The following TFDP2 variants were observed in gnomAD, a reference collection of about 807,000 sequenced individuals.
The protein encoded by TFDP2 is transcription factor Dp-2 (E2F dimerization partner 2).
In TFDP2, 17 loss-of-function variants were observed where a neutral mutation model predicts 59.3. The ratio of observed to expected loss-of-function variants is 0.29; its 90% confidence interval spans 0.20 to 0.43. The LOEUF is 0.43. Among genes scored for constraint, TFDP2 ranks in the 20% least tolerant of loss-of-function variants. The probability of loss-of-function intolerance (pLI) is 1.00; values close to 1 mark genes in which losing one functional copy is unlikely to be tolerated. For synonymous variants in TFDP2, 180 were observed against 194.7 expected (o/e 0.92, Z 0.63); for missense variants, 391 against 528.8 (o/e 0.74, Z 2.56).
At chr3:142,009,581 A>G (rs112785468) in intron 3 of TFDP2, among the ~76,000 whole-genome samples, 10,569 of 151,960 alleles carry the variant, frequency 0.07, 471 homozygotes, top group Non-Finnish European at 0.11. Context: ...GCATGGTGGT[A>G]CACACCTGTA....
At chr3:141,987,275 G>GTC (rs1942201270) in intron 6 of TFDP2, among the ~76,000 whole-genome samples, 1 of 151,638 alleles carries the variant, frequency 6.6e-6, no homozygotes, top group Non-Finnish European at 1.5e-5. Flanking sequence ...TTGTGTGTGT[G>GTC]TGTGTGTGTG....
chr3:142,114,769 A>G (rs1394126176), intron 1 of TFDP2, among the ~76,000 whole-genome samples: 1 of 152,188 alleles, frequency 6.6e-6, no homozygotes, highest in Non-Finnish European at 1.5e-5. Context: ...AAAGAAGAAA[A>G]TAAAAATTAC....
At chr3:141,958,191 A>G (rs1457655482) in intron 11 of TFDP2, among the ~76,000 whole-genome samples, 1 of 152,236 alleles carries the variant, frequency 6.6e-6, no homozygotes, top group African/African-American at 2.4e-5. Context: ...ATGTATAGGA[A>G]TGTTCAAAGC....
intron 3 of TFDP2, among the ~76,000 whole-genome samples, chr3:142,048,080 T>C (rs1947435832): frequency 6.6e-6 from 1 of 152,018 alleles, no homozygotes; most frequent in African/African-American, 2.4e-5. Context: ...AACTGAAAAA[T>C]AAGCACACAG....
Position 141,945,202 on chromosome 3 carries a change from T to G in TFDP2, c.*7311A>C, listed in dbSNP as rs1337319319. 1 of 151,810 alleles carries G rather than the reference T, an allele frequency of 6.6e-6. No individual in the cohort carries two copies. The highest frequency in any genetic ancestry group is 1.5e-5 in the Non-Finnish European group (1 of 68,142). 9.4% of individuals were successfully genotyped at this position (151,810 alleles called of 1,614,324 possible). ...GGAGTGCAAATGGCACGATCTCAGC[T>G]CATTGCAACTTTTGCCTCCTGGGTT... On this transcript the variant is annotated 3_prime_UTR_variant, in exon 13 of 13. Transcript: ENST00000489671.
intron 8 of TFDP2, among the ~76,000 whole-genome samples, chr3:141,972,310 G>C (rs1418590867): frequency 6.6e-6 from 1 of 152,112 alleles, no homozygotes; most frequent in Non-Finnish European, 1.5e-5. Context: ...CCGTAACTCA[G>C]ACCATCTCTA....
intron 3 of TFDP2, among the ~76,000 whole-genome samples, chr3:142,035,699 TCTGGTG>T (rs1375157962): frequency 1.3e-5 from 2 of 152,132 alleles, no homozygotes; most frequent in Admixed American, 1.3e-4. Flanking sequence ...GGCAGGTCTT[TCTGGTG>T]CTGTTCTTGT....
Position 141,948,672 on chromosome 3 carries a change from G to C in TFDP2, c.*3841C>G, listed in dbSNP as rs1196314568. The C allele has an allele frequency of 2.0e-5, 3 of 152,112 alleles. No homozygotes were observed. Among genetic ancestry groups the C allele is most frequent in the African/African-American group, 7.2e-5 (3 of 41,410 alleles). 9.4% of individuals were successfully genotyped at this position (152,112 alleles called of 1,614,324 possible). On this transcript the variant is annotated 3_prime_UTR_variant, in exon 13 of 13. Transcript: ENST00000489671. ...CCTCCAACATACACACTGTGTGCTGGAGGGAGCCTAAGTCACATTTATACT... is the reference window on the plus strand; with the variant it reads ...CCTCCAACATACACACTGTGTGCTGCAGGGAGCCTAAGTCACATTTATACT...
chr3:142,055,985 G>A (rs1431493196), intron 3 of TFDP2, among the ~76,000 whole-genome samples: 7 of 112,288 alleles, frequency 6.2e-5, no homozygotes, highest in East Asian at 2.9e-4. Context: ...ACAGAGTCTC[G>A]CTCTGTCGCC....
intron 2 of TFDP2, among the ~76,000 whole-genome samples, chr3:142,097,509 T>A (rs141605692): frequency 6.6e-6 from 1 of 151,854 alleles, no homozygotes. Flanking sequence ...TTAAGGAACA[T>A]AGTGAGATCC....
At position 142,149,370 on chromosome 3, in the gene TFDP2, C is replaced by A. The variant is rs561332008; in HGVS notation, c.-280G>T. 30 of 389,106 alleles carry A rather than the reference C, an allele frequency of 7.7e-5. No individual in the cohort carries two copies. Among genetic ancestry groups the A allele is most frequent in the Middle Eastern group, 1.3e-3 (2 of 1,538 alleles). 24.1% of individuals were successfully genotyped at this position (389,106 alleles called of 1,614,324 possible). Reference sequence around the variant, plus strand: ...GAGTTTGAGGCCCCAGAACGCCAACCGTGCGCGCGCCCTCGAGCCTGCCCA... The same window carrying A: ...GAGTTTGAGGCCCCAGAACGCCAACAGTGCGCGCGCCCTCGAGCCTGCCCA... On this transcript the variant is annotated 5_prime_UTR_variant, in exon 1 of 13. Transcript: ENST00000489671.
chr3:142,038,867 A>G (rs1946823731), intron 3 of TFDP2, among the ~76,000 whole-genome samples: 1 of 152,212 alleles, frequency 6.6e-6, no homozygotes, highest in Non-Finnish European at 1.5e-5. Context: ...TTATCATGCT[A>G]CTTTCAATTT....
chr3:142,104,519 T>C (rs2061414735), intron 1 of TFDP2, among the ~76,000 whole-genome samples: 1 of 152,178 alleles, frequency 6.6e-6, no homozygotes, highest in Non-Finnish European at 1.5e-5. Flanking sequence ...GAGGAAATAT[T>C]ACACAGATTA....
At chr3:142,034,054 T>C (rs113894084) in intron 3 of TFDP2, among the ~76,000 whole-genome samples, 1,863 of 151,768 alleles carry the variant, frequency 0.012, 39 homozygotes, top group African/African-American at 0.043. Flanking sequence ...TTTTTTAGTG[T>C]GGTATCTATA....
intron 9 of TFDP2, among the ~76,000 whole-genome samples, chr3:141,969,198 AT>A (rs1463410245): frequency 9.9e-6 from 1 of 100,758 alleles, no homozygotes; most frequent in East Asian, 2.5e-4. Flanking sequence ...TGAGATATAT[AT>A]ATATAACATA....
intron 1 of TFDP2, among the ~76,000 whole-genome samples, chr3:142,123,635 G>A (rs1371574446): frequency 6.6e-6 from 1 of 151,986 alleles, no homozygotes; most frequent in Non-Finnish European, 1.5e-5. Context: ...TACTTAATAG[G>A]ATTATATTTT....
At chr3:142,147,209 A>G (rs2063211789) in intron 1 of TFDP2, among the ~76,000 whole-genome samples, 1 of 152,158 alleles carries the variant, frequency 6.6e-6, no homozygotes, top group African/African-American at 2.4e-5. Flanking sequence ...TTCATGCCGC[A>G]CACCTAGAGT....
intron 3 of TFDP2, among the ~76,000 whole-genome samples, chr3:142,089,313 G>A (rs1417696185): frequency 6.7e-6 from 1 of 150,302 alleles, no homozygotes; most frequent in Non-Finnish European, 1.5e-5. Flanking sequence ...TCACTGGCTA[G>A]GATTAATAGA....
At chr3:142,042,638 T>TTC (rs1947055699) in intron 3 of TFDP2, among the ~76,000 whole-genome samples, 2 of 148,498 alleles carry the variant, frequency 1.3e-5, no homozygotes, top group African/African-American at 4.9e-5. Flanking sequence ...TTCTTTTTTT[T>TTC]TTTTTTTTTT....
Sources: gnomAD v4.1 joint callset for allele counts (sites outside exome capture counted in the v4.1 genomes callset) on GRCh38, gnomAD v4.1.1 for gene constraint, MANE v1.5 for transcripts, NCBI Gene and HGNC (gene_info 2026-07-23, HGNC 2026-07-21) for gene names.